PTCHD4: variants seen among roughly 807,000 people sequenced by gnomAD.
The protein encoded by PTCHD4 is patched domain containing 4, also known as patched domain-containing protein 4.
A neutral mutation model predicts 58.1 loss-of-function variants in PTCHD4; 33 were observed. The observed-to-expected ratio is 0.57, with a 90% CI of 0.43 to 0.76. PTCHD4 has a LOEUF of 0.76. Ranked by LOEUF, PTCHD4 falls within the 30% of genes least tolerant of loss-of-function variation. The pLI is 0.00. For synonymous variants in PTCHD4, 478 were observed against 409.6 expected (o/e 1.17, Z -2.02); for missense variants, 1,058 against 1,027.1 (o/e 1.03, Z -0.41).
chr6:47,985,166 C>A (rs550371111), intron 4 of PTCHD4, among the ~76,000 whole-genome samples: 52 of 152,174 alleles, frequency 3.4e-4, no homozygotes, highest in Non-Finnish European at 6.5e-4. Context: ...CCTGCTTTCT[C>A]TATGTATAGC....
intron 4 of PTCHD4, among the ~76,000 whole-genome samples, chr6:47,883,127 A>G (rs1043106205): frequency 6.6e-6 from 1 of 152,050 alleles, no homozygotes; most frequent in African/African-American, 2.4e-5. Context: ...TCAATGCAAT[A>G]TATATTTATT....
chr6:48,013,919 T>A (rs1209383547), intron 3 of PTCHD4, among the ~76,000 whole-genome samples: 1 of 152,120 alleles, frequency 6.6e-6, no homozygotes, highest in Non-Finnish European at 1.5e-5. Context: ...TGATAATGTA[T>A]CTGGACAAAA....
chr6:48,017,824 T>C (rs1030252016), intron 3 of PTCHD4, among the ~76,000 whole-genome samples: 2 of 152,200 alleles, frequency 1.3e-5, no homozygotes, highest in African/African-American at 4.8e-5. Context: ...ATAATTTTTA[T>C]ATGTATATAT....
chr6:47,895,137 A>G (rs1764494890), intron 4 of PTCHD4, among the ~76,000 whole-genome samples: 2 of 82,078 alleles, frequency 2.4e-5, no homozygotes, highest in South Asian at 8.1e-4. Flanking sequence ...TCTGTCTCAA[A>G]AAAGAAAAAA....
intron 4 of PTCHD4, among the ~76,000 whole-genome samples, chr6:47,962,489 T>C (rs1052213763): frequency 6.6e-6 from 1 of 152,094 alleles, no homozygotes; most frequent in Admixed American, 6.5e-5. Flanking sequence ...GATAATTGAA[T>C]CATGCATGGG....
chr6:47,883,601 T>C (rs2114107107), intron 4 of PTCHD4, among the ~76,000 whole-genome samples: 1 of 152,304 alleles, frequency 6.6e-6, no homozygotes, highest in Non-Finnish European at 1.5e-5. Flanking sequence ...ATAGTATCAA[T>C]GGAATTAATT....
At chr6:48,039,483 G>C (rs1763765608) in intron 3 of PTCHD4, among the ~76,000 whole-genome samples, 1 of 152,120 alleles carries the variant, frequency 6.6e-6, no homozygotes, top group African/African-American at 2.4e-5. Flanking sequence ...ACAGATGCCA[G>C]AGAGATACTG....
intron 4 of PTCHD4, among the ~76,000 whole-genome samples, chr6:47,934,493 C>T (rs72867978): frequency 0.11 from 16,116 of 151,632 alleles, 1,071 homozygotes; most frequent in Middle Eastern, 0.2. Flanking sequence ...CACATCTTAC[C>T]GATCTAAATC....
At chr6:48,009,386 G>T (rs1762590481) in intron 3 of PTCHD4, among the ~76,000 whole-genome samples, 1 of 152,122 alleles carries the variant, frequency 6.6e-6, no homozygotes, top group Admixed American at 6.5e-5. Context: ...TAAATATTTT[G>T]TTCTCACTCA....
intron 4 of PTCHD4, among the ~76,000 whole-genome samples, chr6:47,915,222 A>T (rs1239548948): frequency 6.6e-6 from 1 of 151,456 alleles, no homozygotes; most frequent in Non-Finnish European, 1.5e-5. Context: ...GTAAAAGCTG[A>T]TGTTAAATCT....
intron 4 of PTCHD4, among the ~76,000 whole-genome samples, chr6:47,965,871 G>A (rs752238594): frequency 1.3e-5 from 2 of 151,910 alleles, no homozygotes; most frequent in African/African-American, 4.8e-5. Context: ...GCTGAGATCC[G>A]GCCACTGCAC....
intron 4 of PTCHD4, among the ~76,000 whole-genome samples, chr6:47,907,570 G>A (rs567365632): frequency 1.3e-5 from 2 of 152,288 alleles, no homozygotes; most frequent in South Asian, 4.1e-4. Context: ...GCTTGGGGCT[G>A]GAGAAGCCCA....
At chr6:48,080,340 A>G (rs1174701477) in intron 1 of PTCHD4, among the ~76,000 whole-genome samples, 1 of 152,236 alleles carries the variant, frequency 6.6e-6, no homozygotes, top group Non-Finnish European at 1.5e-5. Context: ...CATCTCCAGA[A>G]AACATATAGA....
At chr6:48,023,351 C>T (rs1763131745) in intron 3 of PTCHD4, among the ~76,000 whole-genome samples, 1 of 152,072 alleles carries the variant, frequency 6.6e-6, no homozygotes, top group Non-Finnish European at 1.5e-5. Flanking sequence ...AAGGTTTTGA[C>T]AATTGATTTA....
chr6:47,867,702 CTCTA>C lies in PTCHD4; in HGVS notation c.*10597_*10600del, dbSNP rs1290161962. Among the ~76,000 whole-genome samples, 1 of 151,734 alleles carries C rather than the reference CTCTA, an allele frequency of 6.6e-6. No homozygotes were observed. The highest frequency in any genetic ancestry group is 2.4e-5 in the African/African-American group (1 of 41,370). On this transcript the variant is annotated 3_prime_UTR_variant, in exon 5 of 5. Transcript: ENST00000339488. ...CCTGACTGTTGAGCCCATCCTCCAT[CTCTA>C]TCTATTAGAATCTTACCCACACTTC... is the stretch of plus-strand genomic sequence containing the variant.
At position 47,878,771 on chromosome 6, in the gene PTCHD4, G is replaced by A. The variant is rs377487295; in HGVS notation, c.2064C>T (p.Ser688=). 80 of 1,613,454 alleles carry A rather than the reference G, an allele frequency of 5.0e-5. No individual in the cohort carries two copies. The highest frequency in any genetic ancestry group is 1.6e-4 in the Middle Eastern group (1 of 6,082). The change falls in exon 5 of 5, where the codon AGC becomes AGT. Residue 688 remains serine, a synonymous_variant. Transcript: ENST00000339488. The part of the protein sequence containing the change: ...HPLGNFWLIL[S]VTSIELGVLG... The stretch of plus-strand genomic sequence containing the variant: ...GAACGCCCAGCTCAATTGAGGTGAC[G>A]CTAAGAATTAGCCAGAAGTTTCCCA...
chr6:47,980,233 T>C (rs1461318749), intron 4 of PTCHD4, among the ~76,000 whole-genome samples: 1 of 152,080 alleles, frequency 6.6e-6, no homozygotes, highest in Admixed American at 6.5e-5. Flanking sequence ...AGAGTTCTTA[T>C]ATAACAAGGG....
chr6:47,863,311 C>T lies in PTCHD4; in HGVS notation c.*14992G>A, dbSNP rs1763477488. ...ATACTGCTAAGGACTGTCCTAGGGC[C>T]TCCAAAAGACTTATGTAAGCAATGG... is the stretch of plus-strand genomic sequence containing the variant. On this transcript the variant is annotated 3_prime_UTR_variant, in exon 5 of 5. Coordinates refer to ENST00000339488, the MANE Select transcript of PTCHD4 (RefSeq NM_001384253.1). 6.6e-6 allele frequency among the ~76,000 whole-genome samples: 1 copy of T among 151,772 alleles called. No individual in the cohort carries two copies. The highest frequency in any genetic ancestry group is 2.4e-5 in the African/African-American group (1 of 41,378).
intron 3 of PTCHD4, among the ~76,000 whole-genome samples, chr6:48,019,290 G>A (rs1424584400): frequency 6.6e-6 from 1 of 152,016 alleles, no homozygotes; most frequent in East Asian, 1.9e-4. Flanking sequence ...TACCGCTATC[G>A]AGGATAGAGT....
Sources: gnomAD v4.1 joint callset for allele counts (sites outside exome capture counted in the v4.1 genomes callset) on GRCh38, gnomAD v4.1.1 for gene constraint, MANE v1.5 for transcripts, NCBI Gene and HGNC (gene_info 2026-07-23, HGNC 2026-07-21) for gene names.